L3MBTL4: variants seen among roughly 807,000 people sequenced by gnomAD.
L3MBTL4 encodes the protein lethal(3)malignant brain tumor-like protein 4.
In L3MBTL4, 70 loss-of-function variants were observed where a neutral mutation model predicts 84.5. The observed-to-expected ratio is 0.83, with a 90% CI of 0.68 to 1.01. The LOEUF (loss-of-function observed/expected upper bound fraction) is 1.01, where lower values mean the gene tolerates loss of function less well. Ranked by LOEUF, L3MBTL4 falls within the 50% of genes least tolerant of loss-of-function variation. The pLI is 0.00. For missense variants in L3MBTL4, 715 were observed against 754.8 expected, an observed-to-expected ratio of 0.95 and a Z score of 0.62; for synonymous variants, 274 against 259.8, an observed-to-expected ratio of 1.05 and a Z score of -0.52.
intron 14 of L3MBTL4, among the ~76,000 whole-genome samples, chr18:6,113,685 C>A (rs1411688722): frequency 6.6e-6 from 1 of 152,170 alleles, no homozygotes; most frequent in Non-Finnish European, 1.5e-5. Flanking sequence ...GATCACTAAC[C>A]TGCTACCTTC....
intron 12 of L3MBTL4, among the ~76,000 whole-genome samples, chr18:6,188,366 G>C (rs966345493): frequency 1.1e-4 from 17 of 151,360 alleles, no homozygotes; most frequent in Non-Finnish European, 2.2e-4. Context: ...TAAATACACT[G>C]ATATTTTAGG....
chr18:5,993,745 A>G (rs2053813805), intron 16 of L3MBTL4, among the ~76,000 whole-genome samples: 1 of 152,214 alleles, frequency 6.6e-6, no homozygotes, highest in South Asian at 2.1e-4. Flanking sequence ...AAAAGTAATG[A>G]AAAAATTGAA....
intron 1 of L3MBTL4, among the ~76,000 whole-genome samples, chr18:6,378,873 G>A (rs546284680): frequency 5.3e-5 from 8 of 152,300 alleles, no homozygotes; most frequent in African/African-American, 1.9e-4. Flanking sequence ...ATGGTAGCTT[G>A]ATGGGGATAG....
intron 4 of L3MBTL4, among the ~76,000 whole-genome samples, chr18:6,297,099 T>A (rs1489954865): frequency 6.6e-6 from 1 of 152,102 alleles, no homozygotes; most frequent in Non-Finnish European, 1.5e-5. Context: ...TAACACAATA[T>A]TAGTGATTAT....
intron 15 of L3MBTL4, among the ~76,000 whole-genome samples, chr18:6,081,882 T>C (rs1453838882): frequency 2.0e-5 from 3 of 152,200 alleles, no homozygotes; most frequent in Admixed American, 2.0e-4. Context: ...CTCTTAATCA[T>C]CAAGACTTTT....
chr18:6,285,656 T>C (rs2729732), intron 4 of L3MBTL4, among the ~76,000 whole-genome samples: 40,045 of 151,692 alleles, frequency 0.26, 6,875 homozygotes, highest in African/African-American at 0.49. Flanking sequence ...GCTGCTGAAG[T>C]CACCTGCTGC....
At chr18:6,136,126 C>T (rs1029988184) in intron 14 of L3MBTL4, among the ~76,000 whole-genome samples, 16 of 152,164 alleles carry the variant, frequency 1.1e-4, no homozygotes, top group African/African-American at 2.4e-4. Context: ...AAGAATAGCA[C>T]GGGAAATACT....
chr18:6,116,337 ATTG>A (rs1403683337), intron 14 of L3MBTL4, among the ~76,000 whole-genome samples: 3 of 147,294 alleles, frequency 2.0e-5, no homozygotes, highest in Admixed American at 6.8e-5. Flanking sequence ...GATGCGTTAC[ATTG>A]TTGTTGTGGT....
chr18:6,355,302 T>C (rs182652287), intron 1 of L3MBTL4, among the ~76,000 whole-genome samples: 311 of 152,324 alleles, frequency 2.0e-3, no homozygotes, highest in African/African-American at 7.1e-3. Flanking sequence ...CTCCCATAAA[T>C]ATATACATCG....
rs757385093 is a variant in L3MBTL4 at position 6,263,995 on chromosome 18, G to C, written c.171C>G (p.Tyr57Ter). Residue 57 changes from tyrosine (Y) to a stop codon, truncating the protein, a stop_gained, in exon 5 of 19, where the codon TAC (tyrosine) becomes TAG (stop). Coordinates refer to ENST00000317931, the MANE Select transcript of L3MBTL4 (RefSeq NM_001330559.2). LOFTEE classifies it high-confidence loss of function. Reference protein sequence around the residue: ...AAQGAWSWEWYLKEQKAVAAP... With the variant: ...AAQGAWSWEW ...CTGCGACAGCCTTCTGTTCTTTCAAGTACCACTCCCAAGACCATGCTCCCT... is the reference window on the plus strand; with the variant it reads ...CTGCGACAGCCTTCTGTTCTTTCAACTACCACTCCCAAGACCATGCTCCCT... 1.3e-5 allele frequency: 21 copies of C among 1,614,084 alleles called. No homozygotes were observed. The highest frequency in any genetic ancestry group is 1.8e-5 in the Non-Finnish European group (21 of 1,179,906).
chr18:6,165,291 G>T (rs1030854891), intron 13 of L3MBTL4, among the ~76,000 whole-genome samples: 2 of 152,180 alleles, frequency 1.3e-5, no homozygotes, highest in African/African-American at 4.8e-5. Flanking sequence ...CCCCAATCTA[G>T]CAAGGCAGGC....
At chr18:6,123,087 T>C (rs2059578716) in intron 14 of L3MBTL4, among the ~76,000 whole-genome samples, 1 of 152,212 alleles carries the variant, frequency 6.6e-6, no homozygotes, top group Non-Finnish European at 1.5e-5. Flanking sequence ...TCTTGAGGCA[T>C]CTTTAGGAAA....
intron 5 of L3MBTL4, among the ~76,000 whole-genome samples, chr18:6,249,952 C>T (rs1191328435): frequency 6.6e-6 from 1 of 152,170 alleles, no homozygotes; most frequent in Non-Finnish European, 1.5e-5. Flanking sequence ...GGGCCTGTGT[C>T]TTGTGAAAAC....
At chr18:6,387,069 G>A (rs947091699) in intron 1 of L3MBTL4, among the ~76,000 whole-genome samples, 4 of 152,136 alleles carry the variant, frequency 2.6e-5, no homozygotes, top group East Asian at 1.9e-4. Flanking sequence ...CAGGACTGGC[G>A]ACAGACAGGA....
At chr18:6,318,601 C>T (rs918067849) in intron 1 of L3MBTL4, among the ~76,000 whole-genome samples, 32 of 150,220 alleles carry the variant, frequency 2.1e-4, no homozygotes, top group Non-Finnish European at 2.5e-4. Context: ...TTTACATGCC[C>T]CTAACTCTGG....
At chr18:6,365,235 A>C (rs2053883013) in intron 1 of L3MBTL4, among the ~76,000 whole-genome samples, 1 of 152,210 alleles carries the variant, frequency 6.6e-6, no homozygotes, top group Non-Finnish European at 1.5e-5. Flanking sequence ...AAAGGTTACA[A>C]AATGTATAAA....
intron 16 of L3MBTL4, among the ~76,000 whole-genome samples, chr18:6,063,921 A>T (rs993622871): frequency 2.0e-5 from 3 of 151,994 alleles, no homozygotes; most frequent in African/African-American, 7.2e-5. Context: ...TTAGTCTTGA[A>T]TTCTTTGCCT....
chr18:6,230,244 C>T lies in L3MBTL4; in HGVS notation c.784+7720G>A, dbSNP rs558068707. Among the ~76,000 whole-genome samples the T allele has an allele frequency of 3.9e-3, 599 of 152,214 alleles. 3 individuals carry two copies. Among genetic ancestry groups the T allele is most frequent in the Non-Finnish European group, 5.6e-3 (383 of 67,996 alleles). On this transcript the variant is annotated intron_variant, in intron 10 of 18. Coordinates refer to ENST00000317931, the MANE Select transcript of L3MBTL4 (RefSeq NM_001330559.2). ...TCTCTCTCCTCCCACTCTCCACCCT[C>T]AAGAATCCCCCCAGTGTCTCTTGTT...
intron 16 of L3MBTL4, among the ~76,000 whole-genome samples, chr18:6,003,128 G>GTATC (rs2054303681): frequency 1.0e-5 from 1 of 98,658 alleles, no homozygotes; most frequent in East Asian, 4.1e-4. Context: ...ATAAAATATA[G>GTATC]TATCTCTATT....
Sources: gnomAD v4.1 joint callset for allele counts (sites outside exome capture counted in the v4.1 genomes callset) on GRCh38, gnomAD v4.1.1 for gene constraint, MANE v1.5 for transcripts, NCBI Gene and HGNC (gene_info 2026-07-23, HGNC 2026-07-21) for gene names.